RALYL: variants seen among roughly 807,000 people sequenced by gnomAD.
The protein encoded by RALYL is RNA-binding Raly-like protein.
RALYL carries 29 observed loss-of-function variants against 35.1 expected under a neutral mutation model. The ratio of observed to expected loss-of-function variants is 0.83; its 90% CI spans 0.61 to 1.13. The LOEUF (loss-of-function observed/expected upper bound fraction) is 1.13, where lower values mean the gene tolerates loss of function less well. Among genes scored for constraint, RALYL ranks in the 50% most tolerant of loss-of-function variants. The pLI, the probability that RALYL is intolerant of heterozygous loss-of-function variation, is 0.00. For synonymous variants in RALYL, 120 were observed against 127.6 expected (o/e 0.94, Z 0.40); for missense variants, 359 against 360.4 (o/e 1.00, Z 0.03).
At chr8:84,708,937 A>G (rs2132436627) in intron 2 of RALYL, among the ~76,000 whole-genome samples, 1 of 152,320 alleles carries the variant, frequency 6.6e-6, no homozygotes, top group African/African-American at 2.4e-5. Context: ...AAACAGTGTG[A>G]ATCGAGTTTC....
chr8:84,276,657 A>C (rs1585859012), intron 1 of RALYL, among the ~76,000 whole-genome samples: 1 of 152,302 alleles, frequency 6.6e-6, no homozygotes, highest in South Asian at 2.1e-4. Flanking sequence ...TAAGCAGATA[A>C]CAGTGAGATG....
intron 1 of RALYL, among the ~76,000 whole-genome samples, chr8:84,316,205 A>G (rs1261345775): frequency 5.3e-5 from 8 of 152,164 alleles, no homozygotes; most frequent in Non-Finnish European, 4.4e-5. Context: ...ACTCTTTAGC[A>G]TCTCTACCCA....
At chr8:84,318,494 C>G (rs1436475469) in intron 1 of RALYL, among the ~76,000 whole-genome samples, 1 of 152,182 alleles carries the variant, frequency 6.6e-6, no homozygotes, top group South Asian at 2.1e-4. Flanking sequence ...TCATTACATC[C>G]TCTTTCAACC....
In RALYL at chr8:84,277,376, G is replaced by A. The variant is rs527362029; in HGVS notation, c.-24+92952G>A. Reference sequence around the variant, plus strand: ...CCCATGATTGAATTATCTCCACCTGGTGCTTCACACATGGGGCTTATTATA... The same window carrying A: ...CCCATGATTGAATTATCTCCACCTGATGCTTCACACATGGGGCTTATTATA... On this transcript the variant is annotated intron_variant, in intron 1 of 8. Coordinates refer to ENST00000521268, the MANE Select transcript of RALYL (RefSeq NM_173848.7). Among the ~76,000 whole-genome samples, 11 of 152,096 alleles carry A rather than the reference G, an allele frequency of 7.2e-5. No individual in the cohort carries two copies. The South Asian group carries it at 2.1e-3, about 29-fold the overall frequency.
chr8:84,495,841 A>G (rs553945293), intron 1 of RALYL, among the ~76,000 whole-genome samples: 1 of 152,240 alleles, frequency 6.6e-6, no homozygotes, highest in African/African-American at 2.4e-5. Context: ...CAAGGATAGC[A>G]AAACCACTGG....
rs200330223 is a variant in RALYL at position 84,596,973 on chromosome 8, CA to C, written c.256+67404del. On this transcript the variant is annotated intron_variant, in intron 2 of 8. Transcript: ENST00000521268. The stretch of plus-strand genomic sequence containing the variant: ...AGAAGCAGGATGAGGGTTTAGGTGA[CA>C]AAAAAAATGATAGTTGATAGAAAAC... 2.6e-3 allele frequency among the ~76,000 whole-genome samples: 400 copies of C among 151,046 alleles called. 4 individuals are homozygous for C. In the East Asian group the frequency reaches 0.046, roughly 17 times the overall value.
chr8:84,311,053 C>CAAAAAAAAAA (rs34029529), intron 1 of RALYL, among the ~76,000 whole-genome samples: 160 of 9,524 alleles, frequency 0.017, 15 homozygotes, highest in African/African-American at 0.052. Flanking sequence ...GACTCCGTCT[C>CAAAAAAAAAA]AAAAAAAAAA....
chr8:84,212,412 T>C (rs1339925026), intron 1 of RALYL, among the ~76,000 whole-genome samples: 1 of 152,140 alleles, frequency 6.6e-6, no homozygotes, highest in African/African-American at 2.4e-5. Flanking sequence ...ATTTTTTTTC[T>C]GGGGAGATAT....
chr8:84,523,380 C>A (rs1185137784), intron 1 of RALYL, among the ~76,000 whole-genome samples: 1 of 152,100 alleles, frequency 6.6e-6, no homozygotes, highest in Non-Finnish European at 1.5e-5. Context: ...GATTCAATTA[C>A]CTCCCACTGG....
chr8:84,769,417 C>A (rs1814883848), intron 2 of RALYL, among the ~76,000 whole-genome samples: 1 of 152,162 alleles, frequency 6.6e-6, no homozygotes, highest in South Asian at 2.1e-4. Flanking sequence ...GTTCTCTTTT[C>A]TTAAATATAC....
intron 1 of RALYL, among the ~76,000 whole-genome samples, chr8:84,208,695 A>AT (rs1198404544): frequency 6.6e-6 from 1 of 152,102 alleles, no homozygotes; most frequent in Non-Finnish European, 1.5e-5. Flanking sequence ...ATGATGCCAA[A>AT]TTTTTTACCC....
intron 2 of RALYL, among the ~76,000 whole-genome samples, chr8:84,653,236 A>G (rs1829223958): frequency 6.6e-6 from 1 of 152,200 alleles, no homozygotes; most frequent in South Asian, 2.1e-4. Context: ...ACTTTTTAAA[A>G]AACCAATATT....
At chr8:84,256,247 G>A (rs1174459593) in intron 1 of RALYL, among the ~76,000 whole-genome samples, 1 of 152,092 alleles carries the variant, frequency 6.6e-6, no homozygotes, top group Non-Finnish European at 1.5e-5. Context: ...GTAGAGTTAT[G>A]TATATGCAAA....
At chr8:84,359,873 A>G (rs1432234645) in intron 1 of RALYL, among the ~76,000 whole-genome samples, 1 of 149,764 alleles carries the variant, frequency 6.7e-6, no homozygotes, top group Admixed American at 6.8e-5. Flanking sequence ...ACAATTAAAA[A>G]TATCATGTTT....
intron 4 of RALYL, among the ~76,000 whole-genome samples, chr8:84,841,173 A>C (rs1431060284): frequency 6.6e-6 from 1 of 152,202 alleles, no homozygotes; most frequent in Non-Finnish European, 1.5e-5. Flanking sequence ...ACAGACTGGC[A>C]AATTGGATAA....
chr8:84,257,087 A>G (rs1831345112), intron 1 of RALYL, among the ~76,000 whole-genome samples: 1 of 151,966 alleles, frequency 6.6e-6, no homozygotes, highest in Admixed American at 6.6e-5. Flanking sequence ...GGTTTAATAA[A>G]TATACTGATA....
intron 2 of RALYL, among the ~76,000 whole-genome samples, chr8:84,566,374 T>C (rs1230383636): frequency 6.6e-6 from 1 of 151,476 alleles, no homozygotes; most frequent in Admixed American, 6.6e-5. Context: ...GCAGATATGT[T>C]CCTAAATTAA....
chr8:84,756,440 G>A (rs879796073), intron 2 of RALYL, among the ~76,000 whole-genome samples: 1 of 152,104 alleles, frequency 6.6e-6, no homozygotes, highest in Non-Finnish European at 1.5e-5. Context: ...TGAAATCCTA[G>A]TCACAAGCTG....
chr8:84,603,290 T>C (rs1816375410), intron 2 of RALYL, among the ~76,000 whole-genome samples: 1 of 152,118 alleles, frequency 6.6e-6, no homozygotes, highest in Non-Finnish European at 1.5e-5. Flanking sequence ...TTCTTGCTTA[T>C]ATGAGCTTGC....
Sources: gnomAD v4.1 joint callset for allele counts (sites outside exome capture counted in the v4.1 genomes callset) on GRCh38, gnomAD v4.1.1 for gene constraint, MANE v1.5 for transcripts, NCBI Gene and HGNC (gene_info 2026-07-23, HGNC 2026-07-21) for gene names.